RNF185: variants seen among roughly 807,000 people sequenced by gnomAD.
The protein encoded by RNF185 is E3 ubiquitin-protein ligase RNF185.
RNF185 carries 13 observed loss-of-function variants against 24.9 expected under a neutral mutation model. That is an observed-to-expected ratio of 0.52 (90% confidence interval 0.34 to 0.83). The LOEUF is 0.83. RNF185 is among the 40% of genes least tolerant of loss of function. The pLI, the probability that RNF185 is intolerant of heterozygous loss-of-function variation, is 0.01. For missense variants in RNF185, 184 were observed against 244.7 expected (o/e 0.75, Z 1.65); for synonymous variants, 79 against 90.3 (o/e 0.88, Z 0.71).
chr22:31,206,134 A>G lies in RNF185; in HGVS notation c.*1548A>G, dbSNP rs1485262584. The G allele has an allele frequency of 1.3e-5, 2 of 154,102 alleles. No individual in the cohort carries two copies. The highest frequency in any genetic ancestry group is 4.8e-5 in the African/African-American group (2 of 41,432). 9.5% of individuals were successfully genotyped at this position (154,102 alleles called of 1,614,324 possible). Reference sequence around the variant, plus strand: ...GAAGCCCCATCTATTGCTTTTTCTCAATTATGACTGCATAGTTTATGGAAA... The same window carrying G: ...GAAGCCCCATCTATTGCTTTTTCTCGATTATGACTGCATAGTTTATGGAAA... On this transcript the variant is annotated 3_prime_UTR_variant, in exon 7 of 7. Coordinates refer to ENST00000326132, the MANE Select transcript of RNF185 (RefSeq NM_152267.4).
At chr22:31,184,477 G>A (rs554114954) in intron 1 of RNF185, among the ~76,000 whole-genome samples, 2 of 151,824 alleles carry the variant, frequency 1.3e-5, no homozygotes, top group Non-Finnish European at 2.9e-5. Flanking sequence ...GACGATGGGC[G>A]GCCAGGCAGA....
chr22:31,195,909 G>A lies in RNF185; in HGVS notation c.308+328G>A, dbSNP rs933754107. Among the ~76,000 whole-genome samples, 21 of 152,160 alleles carry A rather than the reference G, an allele frequency of 1.4e-4. 1 individual carries two copies. Among genetic ancestry groups the A allele is most frequent in the Non-Finnish European group, 2.9e-5 (2 of 68,020 alleles). On this transcript the variant is annotated intron_variant, in intron 4 of 6. Coordinates refer to ENST00000326132, the MANE Select transcript of RNF185 (RefSeq NM_152267.4). ...GCATCAGTGATGTATAAAGCATGGC[G>A]GGAGGGGAAACAGGATCTGGGTGAC...
At chr22:31,174,072 A>G (rs2047957960) in intron 1 of RNF185, among the ~76,000 whole-genome samples, 2 of 152,220 alleles carry the variant, frequency 1.3e-5, no homozygotes, top group South Asian at 2.1e-4. Context: ...GTACTTAACT[A>G]TGTGCCAGGC....
At chr22:31,168,251 T>G (rs1008246777) in intron 1 of RNF185, among the ~76,000 whole-genome samples, 1 of 152,128 alleles carries the variant, frequency 6.6e-6, no homozygotes, top group Non-Finnish European at 1.5e-5. Flanking sequence ...GACTCTTGGG[T>G]TTAAGTGAAC....
rs572723640 is a variant in RNF185, at chr22:31,175,102, C to T, written c.-48-11945C>T. On this transcript the variant is annotated intron_variant, in intron 1 of 6. Transcript: ENST00000326132. Reference sequence around the variant, plus strand: ...AAAAAAAAAAAAAAAAAGTAGTGGACGAAAATGTGAAAAAGTAGGAACAGC... The same window carrying T: ...AAAAAAAAAAAAAAAAAGTAGTGGATGAAAATGTGAAAAAGTAGGAACAGC... Among the ~76,000 whole-genome samples, 8 of 147,248 alleles carry T rather than the reference C, an allele frequency of 5.4e-5. 1 individual carries two copies. In the South Asian group the frequency reaches 1.7e-3, roughly 32 times the overall value.
At chr22:31,189,280 CTTTTTTTT>C (rs1050842065) in intron 2 of RNF185, among the ~76,000 whole-genome samples, 3 of 61,518 alleles carry the variant, frequency 4.9e-5, no homozygotes, top group Non-Finnish European at 8.5e-5. Context: ...TGTTGTATAT[CTTTTTTTT>C]TTTTTTTTTT....
intron 4 of RNF185, among the ~76,000 whole-genome samples, chr22:31,196,656 C>T (rs1251863175): frequency 1.3e-5 from 2 of 152,160 alleles, no homozygotes; most frequent in Non-Finnish European, 2.9e-5. Flanking sequence ...GATTCCTAAC[C>T]GATCTGAGTC....
intron 4 of RNF185, 152 bp from the exon 5 acceptor site, chr22:31,196,784 T>C: frequency 1.0e-6 from 1 of 957,000 alleles, no homozygotes; most frequent in South Asian, 1.7e-5. Context: ...GAATGAAGAG[T>C]TCGTATTTGG....
At chr22:31,204,364 T>G in intron 6 of RNF185, 125 bp from the exon 7 acceptor site, 1 of 670,580 alleles carries the variant, frequency 1.5e-6, no homozygotes. Flanking sequence ...AAAGAAATCT[T>G]TTTGTGTGTA....
intron 1 of RNF185, among the ~76,000 whole-genome samples, chr22:31,173,564 C>T (rs189128582): frequency 6.6e-6 from 1 of 152,236 alleles, no homozygotes; most frequent in East Asian, 1.9e-4. Flanking sequence ...TTGTTAAGGA[C>T]GTTGGCTTGG....
intron 1 of RNF185, among the ~76,000 whole-genome samples, chr22:31,175,515 G>A (rs2047974472): frequency 6.6e-6 from 1 of 151,618 alleles, no homozygotes; most frequent in African/African-American, 2.4e-5. Flanking sequence ...CAAGGACTTA[G>A]GGAAACAAAT....
chr22:31,169,640 G>A (rs561039731), intron 1 of RNF185, among the ~76,000 whole-genome samples: 49 of 152,176 alleles, frequency 3.2e-4, no homozygotes, highest in African/African-American at 8.2e-4. Flanking sequence ...TCTGCCTCCC[G>A]GACTCAAGCA....
At chr22:31,196,031 A>G (rs1399536512) in intron 4 of RNF185, among the ~76,000 whole-genome samples, 2 of 152,188 alleles carry the variant, frequency 1.3e-5, no homozygotes, top group Admixed American at 6.5e-5. Flanking sequence ...GGCATCCCCA[A>G]GCTCTCCAGA....
chr22:31,168,912 T>TA (rs1341140338), intron 1 of RNF185, among the ~76,000 whole-genome samples: 20 of 152,212 alleles, frequency 1.3e-4, no homozygotes, highest in Admixed American at 1.3e-3. Flanking sequence ...CACCACCCTT[T>TA]AAAAATTTTT....
chr22:31,173,759 T>C (rs760927276), intron 1 of RNF185, among the ~76,000 whole-genome samples: 2 of 152,224 alleles, frequency 1.3e-5, no homozygotes, highest in East Asian at 1.9e-4. Flanking sequence ...ATGTTACTTA[T>C]AGTGATAAGA....
At chr22:31,168,393 A>G (rs1924066724) in intron 1 of RNF185, among the ~76,000 whole-genome samples, 1 of 152,196 alleles carries the variant, frequency 6.6e-6, no homozygotes, top group Non-Finnish European at 1.5e-5. Flanking sequence ...GTTGTAGCAT[A>G]TGTGAGAATT....
Position 31,192,673 on chromosome 22 carries a change from G to T in RNF185, c.177-11G>T. On this transcript the variant is annotated splice_polypyrimidine_tract_variant and intron_variant, in intron 2 of 6. Transcript: ENST00000326132. ...CTCCTTGATGACTGGTTGCCCTGGG[G>T]ACTCTGGCAGTTGGCCGTGTTTACA... 1 of 1,613,508 alleles carries T rather than the reference G, an allele frequency of 6.2e-7. No individual in the cohort carries two copies.
At position 31,205,474 on chromosome 22, in the gene RNF185, G is replaced by A. The variant is rs1369775760; in HGVS notation, c.*888G>A. On this transcript the variant is annotated 3_prime_UTR_variant, in exon 7 of 7. Transcript: ENST00000326132. ...CTTTGGTGGGATTTGGAGCTCCGAGGCAGTAATAACTGAACAAGCAGCCCT... is the reference window on the plus strand; with the variant it reads ...CTTTGGTGGGATTTGGAGCTCCGAGACAGTAATAACTGAACAAGCAGCCCT... 1 of 153,318 alleles carries A rather than the reference G, an allele frequency of 6.5e-6. No individual in the cohort carries two copies. The highest frequency in any genetic ancestry group is 1.9e-4 in the East Asian group (1 of 5,200). The allele number at this position is 153,318 out of a possible 1,614,324, so 9.5% of individuals were successfully genotyped here. A position where few individuals can be genotyped will look rare whatever the true frequency, so the allele number is the denominator to read the frequency against.
intron 2 of RNF185, among the ~76,000 whole-genome samples, chr22:31,187,781 A>G (rs1217813184): frequency 1.3e-5 from 2 of 152,218 alleles, no homozygotes; most frequent in African/African-American, 4.8e-5. Context: ...AATTGTTACT[A>G]TATTTTATGT....
Sources: allele counts gnomAD v4.1 joint callset (sites outside exome capture counted in the v4.1 genomes callset), GRCh38; gene constraint gnomAD v4.1.1; transcripts MANE v1.5; gene names NCBI Gene and HGNC (gene_info 2026-07-23, HGNC 2026-07-21).